Variants in SEC16A observed in about 807,000 individuals in gnomAD.
SEC16A encodes protein transport protein Sec16A.
A neutral mutation model predicts 221.9 loss-of-function variants in SEC16A; 110 were observed. The ratio of observed to expected loss-of-function variants is 0.50; its 90% confidence interval spans 0.42 to 0.58. SEC16A has a LOEUF of 0.58. Among genes scored for constraint, SEC16A ranks in the 20% least tolerant of loss-of-function variants. SEC16A has a pLI of 0.00. For synonymous variants in SEC16A, 1,393 were observed against 1,257.7 expected (o/e 1.11, Z -2.28); for missense variants, 3,165 against 3,097.8 (o/e 1.02, Z -0.52).
Position 136,459,634 on chromosome 9 carries a change from G to C in SEC16A, c.5192-79C>G. On this transcript the variant is annotated intron_variant, in intron 15 of 31. Coordinates refer to ENST00000684901, the MANE Select transcript of SEC16A (RefSeq NM_014866.2). This position sits in a 1 kb window ranked among gnomAD's most constrained non-coding sequence, Gnocchi z 6.1. ...CAGAAGTCAAGGACGCGCACAGAAGGCACCAGAGACGCCAGCCGGACCGAG... is the reference window on the plus strand; with the variant it reads ...CAGAAGTCAAGGACGCGCACAGAAGCCACCAGAGACGCCAGCCGGACCGAG... 1 of 1,357,088 alleles carries C rather than the reference G, an allele frequency of 7.4e-7. No individual in the cohort carries two copies. Among genetic ancestry groups the C allele is most frequent in the Non-Finnish European group, 1.0e-6 (1 of 975,168 alleles). 84.1% of individuals were successfully genotyped at this position (1,357,088 alleles called of 1,614,324 possible). A position where few individuals can be genotyped will look rare whatever the true frequency, so the allele number is the denominator to read the frequency against.
At chr9:136,477,928 G>C (rs1268631173) in intron 2 of SEC16A, among the ~76,000 whole-genome samples, 1 of 152,242 alleles carries the variant, frequency 6.6e-6, no homozygotes, top group East Asian at 1.9e-4. Flanking sequence ...AGTATGTCTA[G>C]ATGGCCACTC....
At chr9:136,454,883 A>G (rs1306831024) in intron 20 of SEC16A, among the ~76,000 whole-genome samples, 1 of 152,226 alleles carries the variant, frequency 6.6e-6, no homozygotes, top group Non-Finnish European at 1.5e-5. Context: ...AGCAGACTGG[A>G]CATCAGGCAG....
chr9:136,473,096 G>A (rs1841106021), intron 3 of SEC16A, among the ~76,000 whole-genome samples: 1 of 152,248 alleles, frequency 6.6e-6, no homozygotes, highest in African/African-American at 2.4e-5. Context: ...CACAAACCAT[G>A]ATGCTCGAGG....
chr9:136,444,976 A>C (rs1836755280), intron 30 of SEC16A, 76 bp downstream of exon 30: 2 of 1,341,788 alleles, frequency 1.5e-6, no homozygotes, highest in East Asian at 5.0e-5. Context: ...CACGTGGCGA[A>C]CCGGCACCGC....
chr9:136,483,220 G>A, upstream of SEC16A, among the ~76,000 whole-genome samples: 1 of 74,276 alleles, frequency 1.3e-5, no homozygotes, highest in East Asian at 3.7e-4. Context: ...TCATCCCTCT[G>A]TCCCGCCCCC....
intron 4 of SEC16A, among the ~76,000 whole-genome samples, chr9:136,471,544 G>A (rs1431575183): frequency 6.6e-6 from 1 of 151,478 alleles, no homozygotes; most frequent in Non-Finnish European, 1.5e-5. Context: ...ACAGGTCTAA[G>A]AATTAAGTCA....
chr9:136,451,124 T>C (rs919879452), intron 23 of SEC16A, 132 bp downstream of exon 23: 1 of 916,578 alleles, frequency 1.1e-6, no homozygotes, highest in African/African-American at 1.7e-5. Flanking sequence ...CCGTGTGCAC[T>C]GTAGACACTC....
In SEC16A at chr9:136,459,881, T is replaced by A. The variant is rs1839234609; in HGVS notation, c.5074-7A>T. On this transcript the variant is annotated splice_polypyrimidine_tract_variant and splice_region_variant and intron_variant, in intron 14 of 31. Transcript: ENST00000684901. The surrounding 1 kb of genome is among the most constrained non-coding windows in gnomAD (Gnocchi z 6.1). ...ATTTCTCGTCTCCACAGCACTAACA[T>A]GAGGAAAAACAAAACGAAGCCTCAT... is the stretch of plus-strand genomic sequence containing the variant. 1 of 1,610,686 alleles carries A rather than the reference T, an allele frequency of 6.2e-7. No homozygotes were observed. The highest frequency in any genetic ancestry group is 8.5e-7 in the Non-Finnish European group (1 of 1,178,032).
In SEC16A at chr9:136,441,379, C is replaced by A; in HGVS notation, c.*376G>T. On this transcript the variant is annotated 3_prime_UTR_variant, in exon 32 of 32. Transcript: ENST00000684901. The stretch of plus-strand genomic sequence containing the variant: ...TGACTCACAGCTGGGCTTGGAGAGG[C>A]CCTGGTTACTACCGACCATGTGGCT... 3.6e-6 allele frequency: 1 copy of A among 280,240 alleles called. No individual in the cohort carries two copies. The highest frequency in any genetic ancestry group is 2.2e-5 in the African/African-American group (1 of 46,070). The allele number at this position is 280,240 out of a possible 1,614,324, so 17.4% of individuals were successfully genotyped here.
chr9:136,484,334 G>C (rs1267944771), upstream of SEC16A: 2 of 1,139,636 alleles, frequency 1.8e-6, no homozygotes, highest in African/African-American at 3.3e-5. Flanking sequence ...GGCCAGGCCA[G>C]GCAGCATCCA....
At chr9:136,465,917 C>A (rs996760296) in intron 8 of SEC16A, 45 bp downstream of exon 8, 1 of 1,573,790 alleles carries the variant, frequency 6.4e-7, no homozygotes, top group Non-Finnish European at 8.6e-7. Flanking sequence ...GGGTGGCCGC[C>A]CCAGTGGGGT....
At position 136,476,530 on chromosome 9, in the gene SEC16A, T is replaced by C; in HGVS notation, c.1086A>G (p.Leu362=). Residue 362 remains leucine, a synonymous_variant, in exon 3 of 32, where the codon CTA becomes CTG. Coordinates refer to ENST00000684901, the MANE Select transcript of SEC16A (RefSeq NM_014866.2). ...GAGAGSGCAP[L]EADSGASGAL... ...CTCCTGAAGCTCCTGAGTCTGCTTC[T>C]AGCGGGGCACAGCCAGACCCGGCCC... The C allele has an allele frequency of 1.9e-6, 3 of 1,612,726 alleles. No homozygotes were observed. The highest frequency in any genetic ancestry group is 8.5e-7 in the Non-Finnish European group (1 of 1,179,308).
chr9:136,475,761 C>T lies in SEC16A; in HGVS notation c.1855G>A (p.Val619Ile). 1 of 1,604,230 alleles carries T rather than the reference C, an allele frequency of 6.2e-7. No individual in the cohort carries two copies. The highest frequency in any genetic ancestry group is 8.5e-7 in the Non-Finnish European group (1 of 1,175,232). Residue 619 changes from valine to isoleucine, a missense_variant, in exon 3 of 32, where the codon GTT becomes ATT. Val to Ile is a conservative substitution (Grantham distance 29). Coordinates refer to ENST00000684901, the MANE Select transcript of SEC16A (RefSeq NM_014866.2). The surrounding 1 kb of genome is among the most constrained non-coding windows in gnomAD (Gnocchi z 5.0). Reference protein sequence around the residue: ...SSFEPVKSHLVGVKPFEADRA... With the variant: ...SSFEPVKSHLIGVKPFEADRA... ...TCTGCCTCAAATGGTTTTACCCCAA[C>T]TAAGTGAGATTTTACCGGTTCGAAA...
chr9:136,448,093 C>G lies in SEC16A; in HGVS notation c.6381G>C (p.Lys2127Asn), dbSNP rs2131872820. ...KKTEAYLPDD[K>N]NKSIVWDEKK... ...ATTTGACAGCACTCACCGATTTGTT[C>G]TTGTCATCTGGCAAATAAGCTTCTG... is the stretch of plus-strand genomic sequence containing the variant. Residue 2127 changes from lysine (K) to asparagine (N), a missense_variant, in exon 24 of 32, where the codon AAG (lysine) becomes AAC (asparagine). By Grantham distance (94) the Lys-to-Asn change is moderately conservative (BLOSUM62 0). Transcript: ENST00000684901. 2 of 1,612,786 alleles carry G rather than the reference C, an allele frequency of 1.2e-6. No homozygotes were observed. The highest frequency in any genetic ancestry group is 1.7e-4 in the Middle Eastern group (1 of 6,058).
chr9:136,458,350 T>C (rs1838996956), intron 17 of SEC16A, among the ~76,000 whole-genome samples: 1 of 152,092 alleles, frequency 6.6e-6, no homozygotes, highest in Non-Finnish European at 1.5e-5. Context: ...CTCGTACGGC[T>C]GGGCGCGGTG....
At chr9:136,470,238 A>G (rs1434578277) in intron 4 of SEC16A, among the ~76,000 whole-genome samples, 2 of 152,234 alleles carry the variant, frequency 1.3e-5, no homozygotes, top group African/African-American at 2.4e-5. Context: ...CACAGGAAGG[A>G]AGAGTAAGCC....
chr9:136,464,699 T>C (rs1008018432), intron 8 of SEC16A, 137 bp from the exon 9 acceptor site: 18 of 732,402 alleles, frequency 2.5e-5, no homozygotes, highest in South Asian at 4.0e-5. Flanking sequence ...AAGTCGGTAA[T>C]TGTTTAATAT....
rs1838857748 is a variant in SEC16A, at chr9:136,457,559, C to T, written c.5435G>A (p.Arg1812His). 1.9e-6 allele frequency: 3 copies of T among 1,610,962 alleles called. No individual in the cohort carries two copies. Among genetic ancestry groups the T allele is most frequent in the Non-Finnish European group, 1.7e-6 (2 of 1,178,474 alleles). ...FQVFKFIYSC[R>H]LAEMGLATQA... The stretch of plus-strand genomic sequence containing the variant: ...CGTGGCCAGCCCCATTTCCGCCAGG[C>T]GGCAGGAGTAGATGAACTTAAACAC... Residue 1812 changes from arginine to histidine, a missense_variant, in exon 18 of 32, where the codon CGC becomes CAC. Around this residue, in one of 3 missense-constraint regions of SEC16A, gnomAD observed 1,088 missense variants for 1,089.6 expected, o/e 1.00. Coordinates refer to ENST00000684901, the MANE Select transcript of SEC16A (RefSeq NM_014866.2).
In SEC16A at chr9:136,464,528, T is replaced by C. The variant is rs1201390184; in HGVS notation, c.4338A>G (p.Ser1446=). Residue 1446 remains serine (S), a synonymous_variant, in exon 9 of 32, where the codon TCA becomes TCG. Transcript: ENST00000684901. ...SSRPTSPEKF[S]VPHVCARFGP... ...CAAACCTGGCACAGACATGAGGCAC[T>C]GAAAATTTTTCAGGAGAAGTTGGTC... The C allele has an allele frequency of 5.6e-6, 9 of 1,604,344 alleles. No individual in the cohort carries two copies. The highest frequency in any genetic ancestry group is 2.2e-5 in the East Asian group (1 of 44,682).
Sources: allele counts gnomAD v4.1 joint callset (sites outside exome capture counted in the v4.1 genomes callset), GRCh38; gene constraint gnomAD v4.1.1; regional missense constraint gnomAD v4.1.1; non-coding constraint Gnocchi (gnomAD v3.1); transcripts MANE v1.5; gene names NCBI Gene and HGNC (gene_info 2026-07-23, HGNC 2026-07-21).